CPNE4: variants seen among roughly 807,000 people sequenced by gnomAD.
CPNE4 encodes copine-4.
A neutral mutation model predicts 67.9 loss-of-function variants in CPNE4; 25 were observed. The ratio of observed to expected loss-of-function variants is 0.37; its 90% CI spans 0.27 to 0.51. The LOEUF is 0.51. Among genes scored for constraint, CPNE4 ranks in the 20% least tolerant of loss-of-function variants. The pLI is 0.93. For missense variants in CPNE4, 464 were observed against 690.8 expected, an observed-to-expected ratio of 0.67 and a Z score of 3.68; for synonymous variants, 242 against 244.9, an observed-to-expected ratio of 0.99 and a Z score of 0.11.
intron 1 of CPNE4, among the ~76,000 whole-genome samples, chr3:131,921,857 G>A (rs1023928369): frequency 6.6e-6 from 1 of 152,102 alleles, no homozygotes; most frequent in African/African-American, 2.4e-5. Context: ...AGAGAAGATA[G>A]ACATGCTTTG....
At chr3:131,860,003 C>T (rs73203873) in intron 2 of CPNE4, among the ~76,000 whole-genome samples, 11,634 of 152,134 alleles carry the variant, frequency 0.076, 575 homozygotes, top group East Asian at 0.17. Context: ...CAATAATCTC[C>T]CTCATTCCTT....
At chr3:131,751,541 C>CA (rs58591486) in intron 2 of CPNE4, among the ~76,000 whole-genome samples, 3 of 151,330 alleles carry the variant, frequency 2.0e-5, no homozygotes, top group Admixed American at 2.0e-4. Context: ...ATTTTATTTT[C>CA]TTTTAAGTGT....
intron 10 of CPNE4, among the ~76,000 whole-genome samples, chr3:131,572,237 C>T (rs1428443814): frequency 6.6e-6 from 1 of 151,992 alleles, no homozygotes; most frequent in Non-Finnish European, 1.5e-5. Flanking sequence ...ACAAAAAGTC[C>T]ACTCAAAAGG....
intron 7 of CPNE4, among the ~76,000 whole-genome samples, chr3:131,598,850 C>G (rs556507286): frequency 1.4e-4 from 14 of 100,174 alleles, no homozygotes; most frequent in South Asian, 6.4e-4. Flanking sequence ...TGTCCCCCCA[C>G]CCCCCCGCCA....
intron 2 of CPNE4, among the ~76,000 whole-genome samples, chr3:131,746,443 T>C (rs567775238): frequency 3.3e-5 from 5 of 152,166 alleles, no homozygotes. Context: ...CTTCTCCCCA[T>C]CCTCTGGTAG....
intron 4 of CPNE4, 63 bp downstream of exon 4, chr3:131,699,846 G>T: frequency 7.2e-7 from 1 of 1,393,838 alleles, no homozygotes; most frequent in Non-Finnish European, 1.0e-6. Flanking sequence ...GTCTGGTTTG[G>T]GCTGGCCAGT....
intron 1 of CPNE4, among the ~76,000 whole-genome samples, chr3:131,956,707 T>C (rs192108605): frequency 2.4e-4 from 37 of 152,288 alleles, no homozygotes; most frequent in African/African-American, 8.9e-4. Context: ...ATCCATCCCA[T>C]TGGTTTCCTC....
rs80344499 is a variant in CPNE4 at position 131,536,513 on chromosome 3, T to C, written c.1540-1184A>G. Among the ~76,000 whole-genome samples, 566 of 152,362 alleles carry C rather than the reference T, an allele frequency of 3.7e-3. 4 individuals are homozygous for C. Among genetic ancestry groups the C allele is most frequent in the African/African-American group, 0.013 (539 of 41,576 alleles). ...AGAAAGAGGGCTGGACTGAATACCATGTGACCTGGTTTTCAGTTTTTTCTT... is the reference window on the plus strand; with the variant it reads ...AGAAAGAGGGCTGGACTGAATACCACGTGACCTGGTTTTCAGTTTTTTCTT... On this transcript the variant is annotated intron_variant, in intron 15 of 15. Transcript: ENST00000429747.
chr3:131,934,104 G>A (rs767061367), intron 1 of CPNE4, among the ~76,000 whole-genome samples: 11 of 152,256 alleles, frequency 7.2e-5, no homozygotes, highest in African/African-American at 1.7e-4. Flanking sequence ...GAGATTTAGG[G>A]TACAGAGATG....
At chr3:132,004,643 T>C (rs1161802767) in intron 1 of CPNE4, among the ~76,000 whole-genome samples, 2 of 152,006 alleles carry the variant, frequency 1.3e-5, no homozygotes, top group East Asian at 1.9e-4. Flanking sequence ...AATGAAACAA[T>C]TTCCTGAACT....
chr3:132,019,771 G>C (rs996222625), intron 1 of CPNE4, among the ~76,000 whole-genome samples: 2 of 152,160 alleles, frequency 1.3e-5, no homozygotes, highest in Non-Finnish European at 2.9e-5. Flanking sequence ...GTTCTCAAAA[G>C]TTCTAATAAG....
chr3:131,535,565 C>A (rs528769043), intron 15 of CPNE4, among the ~76,000 whole-genome samples: 1 of 152,106 alleles, frequency 6.6e-6, no homozygotes, highest in African/African-American at 2.4e-5. Flanking sequence ...CATCTGAAGA[C>A]GAGTAAAAGT....
intron 7 of CPNE4, among the ~76,000 whole-genome samples, chr3:131,640,668 C>G (rs2107793822): frequency 6.6e-6 from 1 of 151,944 alleles, no homozygotes; most frequent in Middle Eastern, 3.4e-3. Flanking sequence ...AAAAACAATC[C>G]TAAAATTCAT....
At chr3:131,755,024 A>G (rs2082719801) in intron 2 of CPNE4, among the ~76,000 whole-genome samples, 1 of 152,108 alleles carries the variant, frequency 6.6e-6, no homozygotes, top group African/African-American at 2.4e-5. Flanking sequence ...AGATATGATA[A>G]ATTGTGTATG....
chr3:131,868,287 C>A (rs1163020129), intron 2 of CPNE4, among the ~76,000 whole-genome samples: 2 of 152,160 alleles, frequency 1.3e-5, no homozygotes, highest in African/African-American at 4.8e-5. Context: ...TACGTTCTGG[C>A]AGAAGCACCG....
intron 1 of CPNE4, among the ~76,000 whole-genome samples, chr3:132,005,785 T>C (rs1377332436): frequency 1.3e-5 from 2 of 150,738 alleles, no homozygotes; most frequent in Non-Finnish European, 3.0e-5. Context: ...CTGCATTTAA[T>C]TGAAAAAAAA....
chr3:131,798,454 A>G lies in CPNE4; in HGVS notation c.181-74829T>C, dbSNP rs78984130. 8.0e-3 allele frequency among the ~76,000 whole-genome samples: 1,219 copies of G among 152,266 alleles called. 14 individuals carry two copies. The highest frequency in any genetic ancestry group is 0.027 in the African/African-American group (1,136 of 41,548). On this transcript the variant is annotated intron_variant, in intron 2 of 15. Transcript: ENST00000429747. ...CTACCCTTAAGTATATCACACCATA[A>G]GAGAGTTAGGGGACATATAAAATCA...
chr3:131,665,992 T>G (rs2080249780), intron 7 of CPNE4, among the ~76,000 whole-genome samples: 1 of 152,008 alleles, frequency 6.6e-6, no homozygotes, highest in Non-Finnish European at 1.5e-5. Flanking sequence ...AAGTTTTGGG[T>G]TTTTTTCTGG....
intron 1 of CPNE4, among the ~76,000 whole-genome samples, chr3:131,981,268 C>A (rs2072901774): frequency 6.6e-6 from 1 of 151,696 alleles, no homozygotes; most frequent in Non-Finnish European, 1.5e-5. Context: ...GATTATATGC[C>A]CTTTGTCTTC....
Sources: gnomAD v4.1 joint callset for allele counts (sites outside exome capture counted in the v4.1 genomes callset) on GRCh38, gnomAD v4.1.1 for gene constraint, MANE v1.5 for transcripts, NCBI Gene and HGNC (gene_info 2026-07-23, HGNC 2026-07-21) for gene names.